The following PLXNC1 variants were observed in gnomAD, a reference collection of about 807,000 sequenced individuals.
PLXNC1 encodes the protein plexin-C1.
PLXNC1 carries 75 observed loss-of-function variants against 178.2 expected under a neutral mutation model. That is an observed-to-expected ratio of 0.42 (90% confidence interval 0.35 to 0.51). The LOEUF is 0.51. PLXNC1 is among the 20% of genes least tolerant of loss of function. The pLI is 0.02. For missense variants in PLXNC1, 1,503 were observed against 1,984.4 expected, an observed-to-expected ratio of 0.76 and a Z score of 4.61; for synonymous variants, 790 against 779.9, an observed-to-expected ratio of 1.01 and a Z score of -0.22.
At chr12:94,229,274 G>A (rs1053371431) in intron 9 of PLXNC1, among the ~76,000 whole-genome samples, 3 of 152,138 alleles carry the variant, frequency 2.0e-5, no homozygotes, top group African/African-American at 7.2e-5. Flanking sequence ...TTGTTGAGTT[G>A]TAGGAGTTCT....
chr12:94,211,286 A>G (rs1963462114), intron 5 of PLXNC1, among the ~76,000 whole-genome samples: 1 of 152,180 alleles, frequency 6.6e-6, no homozygotes, highest in Non-Finnish European at 1.5e-5. Flanking sequence ...TCTCCAGCTC[A>G]CCACCACTCT....
At chr12:94,203,987 C>T (rs1388410995) in intron 4 of PLXNC1, among the ~76,000 whole-genome samples, 1 of 152,214 alleles carries the variant, frequency 6.6e-6, no homozygotes, top group African/African-American at 2.4e-5. Context: ...TGCCCTCGCT[C>T]TCTCTTGCTC....
At chr12:94,221,898 C>T (rs1019118510) in intron 6 of PLXNC1, among the ~76,000 whole-genome samples, 2 of 152,222 alleles carry the variant, frequency 1.3e-5, no homozygotes, top group African/African-American at 4.8e-5. Context: ...TGGCTTAATA[C>T]TATCACATTG....
At chr12:94,184,877 C>T (rs1962453659) in intron 3 of PLXNC1, among the ~76,000 whole-genome samples, 1 of 152,206 alleles carries the variant, frequency 6.6e-6, no homozygotes, top group African/African-American at 2.4e-5. Context: ...CTGTGAGGCT[C>T]AGCATAGTCA....
intron 4 of PLXNC1, among the ~76,000 whole-genome samples, chr12:94,192,382 A>G (rs1222264728): frequency 6.6e-6 from 1 of 151,856 alleles, no homozygotes; most frequent in Non-Finnish European, 1.5e-5. Context: ...AGTGCTCAGG[A>G]TACAGTTCTT....
intron 2 of PLXNC1, chr12:94,176,276 T>C (rs572755403): frequency 1.3e-5 from 2 of 152,342 alleles, no homozygotes; most frequent in South Asian, 4.1e-4. Flanking sequence ...GGCTTTTGTC[T>C]GTGTGTTGAT....
chr12:94,169,639 T>G (rs927689294), intron 2 of PLXNC1, among the ~76,000 whole-genome samples: 2 of 152,196 alleles, frequency 1.3e-5, no homozygotes, highest in Non-Finnish European at 2.9e-5. Context: ...TCTAGCTCCT[T>G]TATCATGGAA....
chr12:94,245,801 CCAAG>C, intron 12 of PLXNC1, among the ~76,000 whole-genome samples: 1 of 152,220 alleles, frequency 6.6e-6, no homozygotes, highest in South Asian at 2.1e-4. Flanking sequence ...TCTGGAATGA[CCAAG>C]AGCGATAGCT....
chr12:94,210,313 G>A (rs1024730499), intron 5 of PLXNC1, among the ~76,000 whole-genome samples: 4 of 152,204 alleles, frequency 2.6e-5, no homozygotes, highest in Non-Finnish European at 4.4e-5. Context: ...TGAGAGAAGG[G>A]AGCAAGGAGC....
At position 94,182,881 on chromosome 12, in the gene PLXNC1, A is replaced by G. The variant is rs192747155; in HGVS notation, c.1338+1301A>G. On this transcript the variant is annotated intron_variant, in intron 3 of 30. Coordinates refer to ENST00000258526, the MANE Select transcript of PLXNC1 (RefSeq NM_005761.3). The stretch of plus-strand genomic sequence containing the variant: ...TCTGTATCTATCTATCTATCTATCT[A>G]TCTATCTATCTATCTATCTATCTAT... Among the ~76,000 whole-genome samples the G allele has an allele frequency of 7.5e-5, 11 of 145,926 alleles. 1 individual carries two copies. Among genetic ancestry groups the G allele is most frequent in the African/African-American group, 2.3e-4 (9 of 39,422 alleles).
intron 4 of PLXNC1, among the ~76,000 whole-genome samples, chr12:94,199,264 G>A (rs989812092): frequency 8.5e-5 from 13 of 152,162 alleles, no homozygotes; most frequent in Non-Finnish European, 1.5e-4. Context: ...CTTCCAATCC[G>A]GGATGTGTCC....
At chr12:94,229,110 A>AGGT (rs1467328057) in intron 9 of PLXNC1, among the ~76,000 whole-genome samples, 1 of 152,340 alleles carries the variant, frequency 6.6e-6, no homozygotes, top group East Asian at 1.9e-4. Flanking sequence ...AATATGGGTC[A>AGGT]GGTGGTATCT....
At chr12:94,265,371 A>G (rs1965178359) in intron 21 of PLXNC1, 146 bp downstream of exon 21, 1 of 654,032 alleles carries the variant, frequency 1.5e-6, no homozygotes, top group Non-Finnish European at 2.6e-6. Flanking sequence ...AGTAGTTGAT[A>G]AAACTGTTAA....
intron 1 of PLXNC1, among the ~76,000 whole-genome samples, chr12:94,168,516 C>T (rs1961714467): frequency 6.6e-6 from 1 of 152,288 alleles, no homozygotes; most frequent in Non-Finnish European, 1.5e-5. Context: ...TTGTTTTCCC[C>T]TTTAAAAGCA....
In PLXNC1 at chr12:94,197,083, T is replaced by C. The variant is rs116182323; in HGVS notation, c.1439+10610T>C. Among the ~76,000 whole-genome samples the C allele has an allele frequency of 3.7e-3, 561 of 152,346 alleles. 3 individuals carry two copies. Among genetic ancestry groups the C allele is most frequent in the African/African-American group, 0.013 (527 of 41,570 alleles). On this transcript the variant is annotated intron_variant, in intron 4 of 30. Transcript: ENST00000258526. ...GAAGCAGCCAGCATTCCTTGGCTCA[T>C]GGTCCCTTCCTGCATCTTCAAAACC...
chr12:94,171,471 C>A (rs1961842601), intron 2 of PLXNC1, among the ~76,000 whole-genome samples: 3 of 152,142 alleles, frequency 2.0e-5, no homozygotes. Flanking sequence ...GCCTACTATT[C>A]CCATTTTACA....
chr12:94,201,393 A>G (rs61926953), intron 4 of PLXNC1, among the ~76,000 whole-genome samples: 3,110 of 152,314 alleles, frequency 0.02, 36 homozygotes, highest in Middle Eastern at 0.044. Context: ...GGCTTATGTC[A>G]TCCATTTTTT....
intron 5 of PLXNC1, among the ~76,000 whole-genome samples, chr12:94,212,747 T>A (rs1204709471): frequency 1.4e-4 from 20 of 146,040 alleles, no homozygotes; most frequent in Non-Finnish European, 2.8e-4. Context: ...TGAGATGGAG[T>A]CTCGCTCTGT....
Position 94,259,618 on chromosome 12 carries a change from C to A in PLXNC1, c.3135C>A (p.Asp1045Glu). 6.2e-7 allele frequency: 1 copy of A among 1,602,552 alleles called. No individual in the cohort carries two copies. Among genetic ancestry groups the A allele is most frequent in the Non-Finnish European group, 8.5e-7 (1 of 1,174,178 alleles). The stretch of plus-strand genomic sequence containing the variant: ...TTTTTTCTTTTTATCAGAACAGAGA[C>A]GCCAACGACAAGAATGAAAGTCTCA... ...HIFTEDMHNR[D>E]ANDKNESLTA... Residue 1045 changes from aspartate (D) to glutamate (E), a missense_variant, in exon 19 of 31, where the codon GAC becomes GAA. Coordinates refer to ENST00000258526, the MANE Select transcript of PLXNC1 (RefSeq NM_005761.3).
Sources: gnomAD v4.1 joint callset for allele counts (sites outside exome capture counted in the v4.1 genomes callset) on GRCh38, gnomAD v4.1.1 for gene constraint, MANE v1.5 for transcripts, NCBI Gene and HGNC (gene_info 2026-07-23, HGNC 2026-07-21) for gene names.